RGS5: variants seen among roughly 807,000 people sequenced by gnomAD.
The protein encoded by RGS5 is regulator of G protein signaling 5.
RGS5 carries 20 observed loss-of-function variants against 18.9 expected under a neutral mutation model. The ratio of observed to expected loss-of-function variants is 1.06; its 90% CI spans 0.74 to 1.54. The LOEUF (loss-of-function observed/expected upper bound fraction) is 1.54, where lower values mean the gene tolerates loss of function less well. Among genes scored for constraint, RGS5 ranks in the 40% most tolerant of loss-of-function variants. The probability of loss-of-function intolerance (pLI) is 0.00; values close to 1 mark genes in which losing one functional copy is unlikely to be tolerated. For synonymous variants in RGS5, 57 were observed against 76.2 expected (o/e 0.75, Z 1.31); for missense variants, 201 against 211.8 (o/e 0.95, Z 0.32).
Position 163,168,211 on chromosome 1 carries a change from T to C in RGS5, c.155+47A>G, listed in dbSNP as rs374576425. The C allele has an allele frequency of 2.2e-6, 3 of 1,383,550 alleles. No individual in the cohort carries two copies. In the Admixed American group the frequency reaches 5.0e-5, roughly 23 times the overall value. 85.7% of individuals were successfully genotyped at this position (1,383,550 alleles called of 1,614,324 possible). Reference sequence around the variant, plus strand: ...GGAATGGTGCTAAACACTTGGAAAATAGCCATCCTCTGGAGGAAATGAGTG... The same window carrying C: ...GGAATGGTGCTAAACACTTGGAAAACAGCCATCCTCTGGAGGAAATGAGTG... On this transcript the variant is annotated intron_variant, in intron 2 of 4. Coordinates refer to ENST00000313961, the MANE Select transcript of RGS5 (RefSeq NM_003617.4).
intron 2 of RGS5, among the ~76,000 whole-genome samples, chr1:163,263,448 T>C (rs1435242595): frequency 6.6e-6 from 1 of 152,170 alleles, no homozygotes; most frequent in Non-Finnish European, 1.5e-5. Flanking sequence ...AGTTAATTAT[T>C]AGGCTAAGTA....
intron 1 of RGS5, among the ~76,000 whole-genome samples, chr1:163,181,928 C>T (rs972716910): frequency 5.9e-5 from 9 of 152,042 alleles, no homozygotes; most frequent in African/African-American, 2.2e-4. Flanking sequence ...TCCGACCCTT[C>T]ATTTTTCTAT....
intron 2 of RGS5, among the ~76,000 whole-genome samples, chr1:163,273,090 G>T: frequency 6.6e-6 from 1 of 152,008 alleles, no homozygotes; most frequent in East Asian, 1.9e-4. Context: ...TGTGGTCAGA[G>T]AACATACTTC....
chr1:163,200,753 A>T (rs1449247785), intron 1 of RGS5, among the ~76,000 whole-genome samples: 3 of 152,068 alleles, frequency 2.0e-5, no homozygotes, highest in Non-Finnish European at 4.4e-5. Context: ...TAAATAAAAG[A>T]CTCAGTCAAC....
exon 1 of RGS5, chr1:163,217,614 T>A (rs760237764): frequency 1.6e-5 from 25 of 1,541,142 alleles, no homozygotes; most frequent in Non-Finnish European, 2.2e-5. Flanking sequence ...AGGTTTTGTT[T>A]CTTTGTTTTG....
At chr1:163,198,594 A>G (rs940485072) in intron 1 of RGS5, among the ~76,000 whole-genome samples, 4 of 152,146 alleles carry the variant, frequency 2.6e-5, no homozygotes, top group Non-Finnish European at 4.4e-5. Flanking sequence ...CATAACATAA[A>G]GCAACCAGTT....
At chr1:163,277,178 A>C (rs1648879300) in intron 2 of RGS5, among the ~76,000 whole-genome samples, 2 of 152,126 alleles carry the variant, frequency 1.3e-5, no homozygotes, top group Admixed American at 1.3e-4. Flanking sequence ...CTTTCAACCA[A>C]CTGCCAATCA....
At chr1:163,225,042 A>G (rs1276501518) in intron 2 of RGS5, among the ~76,000 whole-genome samples, 1 of 152,096 alleles carries the variant, frequency 6.6e-6, no homozygotes, top group African/African-American at 2.4e-5. Flanking sequence ...AGGAAATCCT[A>G]TTGGTCTATT....
At chr1:163,237,749 A>C (rs1471950789) in intron 2 of RGS5, 1 of 152,432 alleles carries the variant, frequency 6.6e-6, no homozygotes, top group Non-Finnish European at 1.5e-5. Context: ...CAATGGAGTA[A>C]AGCCTGGAAA....
At chr1:163,161,276 ACTG>A (rs1657787387) in intron 3 of RGS5, among the ~76,000 whole-genome samples, 1 of 152,196 alleles carries the variant, frequency 6.6e-6, no homozygotes, top group African/African-American at 2.4e-5. Flanking sequence ...TGAACTTGGT[ACTG>A]TAAGCCATGG....
intron 1 of RGS5, among the ~76,000 whole-genome samples, chr1:163,313,052 C>T (rs1260648109): frequency 6.6e-6 from 1 of 152,162 alleles, no homozygotes; most frequent in African/African-American, 2.4e-5. Flanking sequence ...ATAAAATGTA[C>T]TAATTCCCCA....
chr1:163,318,688 C>G (rs1306214744), intron 1 of RGS5: 1 of 151,642 alleles, frequency 6.6e-6, no homozygotes, highest in African/African-American at 2.4e-5. Flanking sequence ...AAAAAAAGAC[C>G]CCCAAGAAGC....
intron 1 of RGS5, among the ~76,000 whole-genome samples, chr1:163,194,372 A>G (rs1416129698): frequency 6.6e-6 from 1 of 152,210 alleles, no homozygotes; most frequent in Non-Finnish European, 1.5e-5. Context: ...CTTAGATGAG[A>G]TAAGAAATTA....
chr1:163,157,847 T>C (rs919674047), intron 3 of RGS5, among the ~76,000 whole-genome samples: 2 of 152,084 alleles, frequency 1.3e-5, no homozygotes, highest in African/African-American at 2.4e-5. Flanking sequence ...CTTTCTTCCT[T>C]TTTTCTGTTT....
intron 1 of RGS5, among the ~76,000 whole-genome samples, chr1:163,190,150 T>G (rs955766314): frequency 6.6e-6 from 1 of 152,090 alleles, no homozygotes. Context: ...CCAATAAGAT[T>G]GCTCAAGCCC....
intron 1 of RGS5, chr1:163,172,431 C>T (rs922757691): frequency 7.1e-6 from 7 of 991,576 alleles, no homozygotes; most frequent in Admixed American, 5.4e-5. Context: ...AATCAGTACC[C>T]TACTACTATT....
chr1:163,239,938 TACAATG>T (rs1193492457), intron 2 of RGS5, among the ~76,000 whole-genome samples: 5 of 152,218 alleles, frequency 3.3e-5, no homozygotes, highest in Non-Finnish European at 7.3e-5. Context: ...GATTACTTTG[TACAATG>T]ACTGTCTATG....
At chr1:163,255,640 C>CG (rs1335723485) in intron 2 of RGS5, among the ~76,000 whole-genome samples, 6 of 150,418 alleles carry the variant, frequency 4.0e-5, no homozygotes, top group Non-Finnish European at 7.4e-5. Context: ...ATACCAAAGC[C>CG]GGGCAGAGAC....
At chr1:163,204,465 T>C (rs1020023914), upstream of RGS5, among the ~76,000 whole-genome samples, 1 of 152,096 alleles carries the variant, frequency 6.6e-6, no homozygotes, top group Non-Finnish European at 1.5e-5. Context: ...TCCTCCCACC[T>C]TAGCCTCCTA....
Sources: allele counts gnomAD v4.1 joint callset (sites outside exome capture counted in the v4.1 genomes callset), GRCh38; gene constraint gnomAD v4.1.1; transcripts MANE v1.5; gene names NCBI Gene and HGNC (gene_info 2026-07-23, HGNC 2026-07-21).